The following PTPRD variants were observed in gnomAD, a reference collection of about 807,000 sequenced individuals.
PTPRD encodes the protein protein tyrosine phosphatase receptor type D.
Under a neutral mutation model 214.5 loss-of-function variants are expected in PTPRD, and 34 were observed. The ratio of observed to expected loss-of-function variants is 0.16; its 90% confidence interval spans 0.12 to 0.21. The LOEUF is 0.21. Among genes scored for constraint, PTPRD ranks in the 10% least tolerant of loss-of-function variants. The pLI is 1.00. For missense variants in PTPRD, 2,545 were observed against 2,398.7 expected (o/e 1.06, Z -1.27); for synonymous variants, 1,128 against 845.7 (o/e 1.33, Z -5.79).
At chr9:9,905,013 G>C (rs941812727) in intron 5 of PTPRD, among the ~76,000 whole-genome samples, 4 of 152,072 alleles carry the variant, frequency 2.6e-5, no homozygotes, top group South Asian at 2.1e-4. Flanking sequence ...ATGCAAATCA[G>C]TGAGGCATAT....
At chr9:8,328,423 G>C (rs1037409950) in intron 44 of PTPRD, among the ~76,000 whole-genome samples, 1 of 152,124 alleles carries the variant, frequency 6.6e-6, no homozygotes, top group Non-Finnish European at 1.5e-5. Flanking sequence ...TGGGCACGCC[G>C]ACATTTGTCT....
intron 8 of PTPRD, among the ~76,000 whole-genome samples, chr9:9,465,268 A>G (rs2094041480): frequency 6.6e-6 from 1 of 152,222 alleles, no homozygotes; most frequent in African/African-American, 2.4e-5. Flanking sequence ...ACAAAAGCCA[A>G]AGAAAAGATG....
At chr9:8,601,167 G>A (rs2094835193) in intron 14 of PTPRD, among the ~76,000 whole-genome samples, 2 of 152,138 alleles carry the variant, frequency 1.3e-5, no homozygotes, top group African/African-American at 4.8e-5. Flanking sequence ...TCTGTGGAAA[G>A]GGGACCGAAG....
intron 44 of PTPRD, among the ~76,000 whole-genome samples, chr9:8,325,327 A>G (rs899005054): frequency 1.6e-4 from 24 of 148,836 alleles, no homozygotes; most frequent in African/African-American, 4.2e-4. Flanking sequence ...CAGTTTTCCC[A>G]ACACCATTTA....
At chr9:8,331,922 C>CCTTT (rs1452979261) in intron 43 of PTPRD, among the ~76,000 whole-genome samples, 186 bp from the exon 44 acceptor site, 1 of 149,452 alleles carries the variant, frequency 6.7e-6, no homozygotes, top group Non-Finnish European at 1.5e-5. Context: ...CACTCACATA[C>CCTTT]CTTTAAATCC....
At chr9:8,575,332 T>C (rs2092161087) in intron 14 of PTPRD, among the ~76,000 whole-genome samples, 1 of 152,178 alleles carries the variant, frequency 6.6e-6, no homozygotes, top group Non-Finnish European at 1.5e-5. Flanking sequence ...GTATTCTTTT[T>C]AGTCCCTAAC....
At chr9:8,935,629 C>A (rs756773004) in intron 11 of PTPRD, among the ~76,000 whole-genome samples, 1 of 152,166 alleles carries the variant, frequency 6.6e-6, no homozygotes, top group African/African-American at 2.4e-5. Flanking sequence ...TTACTAGAAG[C>A]CCTGGAGGAG....
At chr9:9,286,238 A>G (rs1949318354) in intron 9 of PTPRD, among the ~76,000 whole-genome samples, 3 of 151,830 alleles carry the variant, frequency 2.0e-5, no homozygotes, top group Admixed American at 6.6e-5. Context: ...ACTGACTTAC[A>G]TCATGATTGC....
chr9:10,484,501 G>C (rs778157889), intron 2 of PTPRD, among the ~76,000 whole-genome samples: 1 of 151,938 alleles, frequency 6.6e-6, no homozygotes, highest in Non-Finnish European at 1.5e-5. Context: ...ACATTCTCAC[G>C]ACAAGTGTAC....
chr9:8,933,812 T>C (rs946080863), intron 11 of PTPRD, among the ~76,000 whole-genome samples: 4 of 152,222 alleles, frequency 2.6e-5, no homozygotes, highest in Non-Finnish European at 4.4e-5. Flanking sequence ...ATAATAAAAA[T>C]CATGATGCAA....
chr9:9,919,724 C>T (rs1254343858), intron 5 of PTPRD, among the ~76,000 whole-genome samples: 1 of 152,078 alleles, frequency 6.6e-6, no homozygotes, highest in African/African-American at 2.4e-5. Flanking sequence ...GAACAACGGG[C>T]TATATTAGGT....
chr9:9,606,780 G>A (rs1391796537), intron 7 of PTPRD, among the ~76,000 whole-genome samples: 1 of 151,364 alleles, frequency 6.6e-6, no homozygotes, highest in Non-Finnish European at 1.5e-5. Context: ...AGATAGAGGT[G>A]GACAAATACA....
rs142640662 is a variant in PTPRD, at chr9:8,641,126, T to C, written c.65-4282A>G. Among the ~76,000 whole-genome samples, 418 of 148,524 alleles carry C rather than the reference T, an allele frequency of 2.8e-3. 78 individuals are homozygous for C. The highest frequency in any genetic ancestry group is 0.011 in the African/African-American group (405 of 37,940). ...ATGAATCGTCTGCCTTATTTTGTCA[T>C]AGATATTGTCCAAATTTAAGCCATG... On this transcript the variant is annotated intron_variant, in intron 12 of 45. Transcript: ENST00000381196.
intron 4 of PTPRD, among the ~76,000 whole-genome samples, chr9:9,954,312 A>AAAACAAAC (rs2093717380): frequency 6.7e-6 from 1 of 148,538 alleles, no homozygotes; most frequent in Non-Finnish European, 1.5e-5. Context: ...AAAAAAAAAA[A>AAAACAAAC]AAAAAAAAAA....
intron 37 of PTPRD, among the ~76,000 whole-genome samples, chr9:8,387,627 G>C (rs1411921388): frequency 6.6e-6 from 1 of 152,148 alleles, no homozygotes; most frequent in Non-Finnish European, 1.5e-5. Context: ...AGGCAGTATG[G>C]CTTGATGGTG....
chr9:10,215,706 T>C (rs2099538094), intron 3 of PTPRD, among the ~76,000 whole-genome samples: 1 of 152,044 alleles, frequency 6.6e-6, no homozygotes, highest in African/African-American at 2.4e-5. Context: ...ATGTTCAAAA[T>C]AGTGTTATTT....
chr9:10,025,275 C>T (rs536765290), intron 4 of PTPRD, among the ~76,000 whole-genome samples: 1 of 152,202 alleles, frequency 6.6e-6, no homozygotes. Flanking sequence ...TATTTCTCCA[C>T]ATCCTCTCCA....
At chr9:9,651,036 T>C (rs1043950557) in intron 7 of PTPRD, among the ~76,000 whole-genome samples, 28 of 152,224 alleles carry the variant, frequency 1.8e-4, no homozygotes, top group African/African-American at 5.8e-4. Context: ...ATTACCCTTA[T>C]TGTATAATAA....
At chr9:9,067,760 TCAGAAC>T (rs538115566) in intron 10 of PTPRD, among the ~76,000 whole-genome samples, 72 of 152,340 alleles carry the variant, frequency 4.7e-4, no homozygotes, top group African/African-American at 1.6e-3. Flanking sequence ...TAACACAATC[TCAGAAC>T]CAGAATATTG....
Sources: allele counts gnomAD v4.1 joint callset (sites outside exome capture counted in the v4.1 genomes callset), GRCh38; gene constraint gnomAD v4.1.1; transcripts MANE v1.5; gene names NCBI Gene and HGNC (gene_info 2026-07-23, HGNC 2026-07-21).